HPSE2: variants seen among roughly 807,000 people sequenced by gnomAD.
HPSE2 encodes heparanase 2 (inactive).
A neutral mutation model predicts 60.5 loss-of-function variants in HPSE2; 38 were observed. The observed-to-expected ratio is 0.63, with a 90% confidence interval of 0.48 to 0.82. The LOEUF (loss-of-function observed/expected upper bound fraction) is 0.82, where lower values mean the gene tolerates loss of function less well. Among genes scored for constraint, HPSE2 ranks in the 40% least tolerant of loss-of-function variants. HPSE2 has a pLI of 0.00. For missense variants in HPSE2, 713 were observed against 740.4 expected (o/e 0.96, Z 0.43); for synonymous variants, 295 against 293.2 (o/e 1.01, Z -0.06).
chr10:98,805,218 G>A (rs962813174), intron 3 of HPSE2, among the ~76,000 whole-genome samples: 2 of 152,116 alleles, frequency 1.3e-5, no homozygotes, highest in Non-Finnish European at 2.9e-5. Flanking sequence ...GGAATGCTAA[G>A]CTGTGGGAGT....
At chr10:98,960,476 G>C (rs898500645) in intron 3 of HPSE2, among the ~76,000 whole-genome samples, 1 of 151,886 alleles carries the variant, frequency 6.6e-6, no homozygotes, top group African/African-American at 2.4e-5. Flanking sequence ...GATTAATCAA[G>C]AATAAAATTG....
intron 3 of HPSE2, among the ~76,000 whole-genome samples, chr10:99,109,578 C>T (rs1844380029): frequency 6.6e-6 from 1 of 152,072 alleles, no homozygotes; most frequent in South Asian, 2.1e-4. Flanking sequence ...GGGGTTGTCT[C>T]TTTACTGCCT....
intron 3 of HPSE2, among the ~76,000 whole-genome samples, chr10:99,125,192 C>G (rs1037910434): frequency 6.6e-5 from 10 of 152,184 alleles, no homozygotes; most frequent in African/African-American, 2.4e-4. Flanking sequence ...GAAAGCTTTA[C>G]GCTCCCAAAC....
intron 3 of HPSE2, among the ~76,000 whole-genome samples, chr10:99,124,725 G>T (rs143309322): frequency 6.6e-6 from 1 of 152,256 alleles, no homozygotes; most frequent in Non-Finnish European, 1.5e-5. Flanking sequence ...AGGCACTTCC[G>T]AGCCTGCTGG....
At chr10:98,500,523 G>A (rs1156647107) in intron 9 of HPSE2, among the ~76,000 whole-genome samples, 3 of 152,132 alleles carry the variant, frequency 2.0e-5, no homozygotes, top group Non-Finnish European at 4.4e-5. Context: ...TACAGCAAAG[G>A]CGGTGCTAAG....
chr10:99,099,057 C>T (rs944080181), intron 3 of HPSE2, among the ~76,000 whole-genome samples: 1 of 152,170 alleles, frequency 6.6e-6, no homozygotes, highest in African/African-American at 2.4e-5. Flanking sequence ...CTACAGCTCC[C>T]AGCGTGAGTG....
chr10:98,602,733 A>T (rs1015587793), intron 9 of HPSE2, among the ~76,000 whole-genome samples: 1 of 152,196 alleles, frequency 6.6e-6, no homozygotes, highest in African/African-American at 2.4e-5. Context: ...AACAAATGGT[A>T]TTGGGACAAC....
At chr10:98,607,436 C>T (rs1945625063) in intron 9 of HPSE2, among the ~76,000 whole-genome samples, 1 of 152,126 alleles carries the variant, frequency 6.6e-6, no homozygotes, top group Non-Finnish European at 1.5e-5. Flanking sequence ...GTCATTAGCA[C>T]TTTGATGTCA....
chr10:98,647,533 T>C (rs1946805248), intron 6 of HPSE2, among the ~76,000 whole-genome samples: 1 of 152,178 alleles, frequency 6.6e-6, no homozygotes, highest in Non-Finnish European at 1.5e-5. Flanking sequence ...GGCAGGTAAT[T>C]CCAGAAAATT....
At chr10:98,664,833 C>T (rs1947320829) in intron 6 of HPSE2, among the ~76,000 whole-genome samples, 1 of 152,112 alleles carries the variant, frequency 6.6e-6, no homozygotes. Context: ...GAAAGACAAG[C>T]CCTCTCAGAT....
Position 98,928,792 on chromosome 10 carries a change from A to G in HPSE2, c.611-184736T>C, listed in dbSNP as rs1207775024. Among the ~76,000 whole-genome samples the G allele has an allele frequency of 9.1e-5, 11 of 120,750 alleles. 3 individuals carry two copies. The highest frequency in any genetic ancestry group is 4.2e-4 in the African/African-American group (11 of 26,400). The allele number at this position is 120,750 out of a possible 152,430, so 79.2% of individuals were successfully genotyped here. On this transcript the variant is annotated intron_variant, in intron 3 of 11. Transcript: ENST00000370552. ...TCATAGGTGGGAATTGAACAATGAGAACACATGGACTCAGGAAGGGGAACA... is the reference window on the plus strand; with the variant it reads ...TCATAGGTGGGAATTGAACAATGAGGACACATGGACTCAGGAAGGGGAACA...
intron 11 of HPSE2, among the ~76,000 whole-genome samples, chr10:98,464,303 C>T (rs895639622): frequency 6.6e-6 from 1 of 151,960 alleles, no homozygotes; most frequent in African/African-American, 2.4e-5. Context: ...TGTGGAAGAC[C>T]GTGACATTTG....
At chr10:98,752,945 A>G (rs914471831) in intron 3 of HPSE2, among the ~76,000 whole-genome samples, 1 of 152,242 alleles carries the variant, frequency 6.6e-6, no homozygotes, top group Admixed American at 6.5e-5. Context: ...AGGCACAGAA[A>G]GACAAATACT....
At chr10:98,642,796 G>C (rs1946672701) in intron 6 of HPSE2, among the ~76,000 whole-genome samples, 1 of 152,134 alleles carries the variant, frequency 6.6e-6, no homozygotes, top group African/African-American at 2.4e-5. Flanking sequence ...GCAAAGTTCT[G>C]AATTCAATCA....
the HPSE2 span, among the ~76,000 whole-genome samples, chr10:99,252,363 A>G: frequency 3.9e-5 from 6 of 151,942 alleles, no homozygotes; most frequent in South Asian, 4.2e-4. Flanking sequence ...CAAATAGGGG[A>G]AAAAAAAGAA....
intron 2 of HPSE2, among the ~76,000 whole-genome samples, chr10:99,196,384 G>A (rs955144702): frequency 1.3e-5 from 2 of 152,044 alleles, no homozygotes; most frequent in Non-Finnish European, 2.9e-5. Flanking sequence ...AAAAGCTTCT[G>A]CACAGCAAAG....
chr10:98,983,206 T>C (rs149231976), intron 3 of HPSE2, among the ~76,000 whole-genome samples: 4,124 of 152,266 alleles, frequency 0.027, 91 homozygotes, highest in Middle Eastern at 0.085. Flanking sequence ...TATTACTTCA[T>C]TGTAATATAC....
chr10:98,461,467 A>C (rs537558962), intron 11 of HPSE2, among the ~76,000 whole-genome samples: 2 of 152,360 alleles, frequency 1.3e-5, no homozygotes, highest in Admixed American at 1.3e-4. Flanking sequence ...TTTTGCTTCC[A>C]AATATGAGAA....
intron 10 of HPSE2, among the ~76,000 whole-genome samples, chr10:98,483,278 A>G (rs1053354541): frequency 1.3e-5 from 2 of 152,208 alleles, no homozygotes; most frequent in Non-Finnish European, 2.9e-5. Context: ...TTATTCACAG[A>G]GATTTTTTTC....
Sources: gnomAD v4.1 joint callset for allele counts (sites outside exome capture counted in the v4.1 genomes callset) on GRCh38, gnomAD v4.1.1 for gene constraint, MANE v1.5 for transcripts, NCBI Gene and HGNC (gene_info 2026-07-23, HGNC 2026-07-21) for gene names.